The following ABLIM2 variants were observed in gnomAD, a reference collection of about 807,000 sequenced individuals.
ABLIM2 encodes the protein actin binding LIM protein family member 2, also known as actin-binding LIM protein 2.
Under a neutral mutation model 97.7 loss-of-function variants are expected in ABLIM2, and 53 were observed. The ratio of observed to expected loss-of-function variants is 0.54; its 90% CI spans 0.44 to 0.68. The LOEUF (loss-of-function observed/expected upper bound fraction) is 0.68. Ranked by LOEUF, ABLIM2 falls within the 30% of genes least tolerant of loss-of-function variation. The pLI is 0.00. For synonymous variants in ABLIM2, 361 were observed against 345.8 expected (o/e 1.04, Z -0.49); for missense variants, 835 against 867.2 (o/e 0.96, Z 0.47).
At chr4:8,093,771 C>T (rs1049315166) in intron 3 of ABLIM2, among the ~76,000 whole-genome samples, 7 of 152,170 alleles carry the variant, frequency 4.6e-5, no homozygotes, top group African/African-American at 1.7e-4. Flanking sequence ...CGTCTGGCTG[C>T]TTTTAAGATT....
At chr4:8,078,416 T>C (rs1379953179) in intron 5 of ABLIM2, among the ~76,000 whole-genome samples, 1 of 152,256 alleles carries the variant, frequency 6.6e-6, no homozygotes, top group East Asian at 1.9e-4. Flanking sequence ...CCCATCATCC[T>C]GGGCCTGCCC....
chr4:7,980,941 A>ATTTTTTTTTTTTTTTTTTGTT (rs1737722453), intron 20 of ABLIM2, among the ~76,000 whole-genome samples: 1 of 82,988 alleles, frequency 1.2e-5, no homozygotes, highest in Non-Finnish European at 2.1e-5. Flanking sequence ...ACAACCCCTT[A>ATTTTTTTTTTTTTTTTTTGTT]TTTTTTTTTT....
chr4:8,078,447 G>A (rs986644866), intron 5 of ABLIM2, among the ~76,000 whole-genome samples: 1 of 152,238 alleles, frequency 6.6e-6, no homozygotes, highest in African/African-American at 2.4e-5. Context: ...GGCTTCCTCC[G>A]AGTCTCCATA....
rs747655824 is a variant in ABLIM2, at chr4:8,005,382, G to A, written c.1618+2677C>T. 1.9e-6 allele frequency: 1 copy of A among 533,764 alleles called. No individual in the cohort carries two copies. Among genetic ancestry groups the A allele is most frequent in the Non-Finnish European group, 3.8e-6 (1 of 259,968 alleles). The allele number at this position is 533,764 out of a possible 1,614,324, so 33.1% of individuals were successfully genotyped here. A position where few individuals can be genotyped will look rare whatever the true frequency, so the allele number is the denominator to read the frequency against. ...ACATTTATTGAGTGCCCACTGTGTT[G>A]GGTGTCACAATCCTACCTTCCTTGG... On this transcript the variant is annotated intron_variant, in intron 16 of 20. Coordinates refer to ENST00000447017, the MANE Select transcript of ABLIM2 (RefSeq NM_001130083.2). The surrounding 1 kb of genome is among the most constrained non-coding windows in gnomAD (Gnocchi z 4.9).
At chr4:8,024,861 G>A (rs1432901651) in intron 12 of ABLIM2, among the ~76,000 whole-genome samples, 1 of 152,242 alleles carries the variant, frequency 6.6e-6, no homozygotes, top group Non-Finnish European at 1.5e-5. Flanking sequence ...AGTAGGGGCA[G>A]AGCATGGGTG....
rs553862537 is a variant in ABLIM2 at position 8,083,980 on chromosome 4, G to T, written c.455-3178C>A. Among the ~76,000 whole-genome samples, 116 of 152,198 alleles carry T rather than the reference G, an allele frequency of 7.6e-4. No homozygotes were observed. Among genetic ancestry groups the T allele is most frequent in the Non-Finnish European group, 1.5e-3 (102 of 67,998 alleles). ...TGGAGCCTCAGCTGGAGCTCAGGGG[G>T]TGCAGGTGCAGGAGCCAGACCCCCT... On this transcript the variant is annotated intron_variant, in intron 4 of 20. Transcript: ENST00000447017. The surrounding 1 kb of genome is among the most constrained non-coding windows in gnomAD (Gnocchi z 4.6).
At position 8,091,942 on chromosome 4, in the gene ABLIM2, T is replaced by G. The variant is rs998797954; in HGVS notation, c.339-3658A>C. On this transcript the variant is annotated intron_variant, in intron 3 of 20. Coordinates refer to ENST00000447017, the MANE Select transcript of ABLIM2 (RefSeq NM_001130083.2). ...AATATATAATGTATATTATAATATA[T>G]AATACATATTATAATATAGAATACA... Among the ~76,000 whole-genome samples, 7 of 129,750 alleles carry G rather than the reference T, an allele frequency of 5.4e-5. No homozygotes were observed. The East Asian group carries it at 1.0e-3, about 19-fold the overall frequency. 85.1% of individuals were successfully genotyped at this position (129,750 alleles called of 152,430 possible).
intron 20 of ABLIM2, among the ~76,000 whole-genome samples, chr4:7,973,184 G>A (rs1232256577): frequency 6.6e-6 from 1 of 151,804 alleles, no homozygotes; most frequent in Non-Finnish European, 1.5e-5. Flanking sequence ...CCTGGGGCAG[G>A]AGGAGCCTTG....
chr4:8,038,264 G>C (rs773127002), intron 9 of ABLIM2, among the ~76,000 whole-genome samples: 7 of 152,226 alleles, frequency 4.6e-5, no homozygotes, highest in Admixed American at 6.5e-5. Flanking sequence ...ACAGAGCCAG[G>C]AGGGTGCAGG....
In ABLIM2 at chr4:8,158,792, C is replaced by G; in HGVS notation, c.-103G>C. 9.2e-7 allele frequency: 1 copy of G among 1,089,172 alleles called. No individual in the cohort carries two copies. Among genetic ancestry groups the G allele is most frequent in the Non-Finnish European group, 1.2e-6 (1 of 864,878 alleles). The allele number at this position is 1,089,172 out of a possible 1,614,324, so 67.5% of individuals were successfully genotyped here. On this transcript the variant is annotated 5_prime_UTR_variant, in exon 1 of 21. Coordinates refer to ENST00000447017, the MANE Select transcript of ABLIM2 (RefSeq NM_001130083.2). ...CTATCCTCCGCCCGCCCGCCGGCTCCGCGCCCGCTCCTTGCGCACACGCCA... is the reference window on the plus strand; with the variant it reads ...CTATCCTCCGCCCGCCCGCCGGCTCGGCGCCCGCTCCTTGCGCACACGCCA...
At position 8,155,029 on chromosome 4, in the gene ABLIM2, C is replaced by A. The variant is rs1714853888; in HGVS notation, c.10+3651G>T. Among the ~76,000 whole-genome samples, 1 of 152,196 alleles carries A rather than the reference C, an allele frequency of 6.6e-6. No homozygotes were observed. The highest frequency in any genetic ancestry group is 1.9e-4 in the East Asian group (1 of 5,200). On this transcript the variant is annotated intron_variant, in intron 1 of 20. Coordinates refer to ENST00000447017, the MANE Select transcript of ABLIM2 (RefSeq NM_001130083.2). This position sits in a 1 kb window ranked among gnomAD's most constrained non-coding sequence, Gnocchi z 4.2. ...CATGAGAACAGTATGGGGGAAACCA[C>A]CCCTGTGATTCAATTATCTCCACCT...
intron 1 of ABLIM2, among the ~76,000 whole-genome samples, chr4:8,126,779 C>T (rs1848156839): frequency 6.6e-6 from 1 of 151,988 alleles, no homozygotes; most frequent in Non-Finnish European, 1.5e-5. Flanking sequence ...AAAAATGTCT[C>T]CAGATGGCCG....
intron 6 of ABLIM2, among the ~76,000 whole-genome samples, chr4:8,070,041 G>A (rs1165239901): frequency 1.3e-5 from 2 of 151,774 alleles, no homozygotes; most frequent in African/African-American, 4.8e-5. Flanking sequence ...TGTGCTTTGT[G>A]TGTGTATGTA....
At chr4:8,007,005 T>A (rs2150372942) in intron 16 of ABLIM2, 3 of 984,940 alleles carry the variant, frequency 3.0e-6, no homozygotes, top group Non-Finnish European at 3.6e-6. Context: ...CTTACAGAGA[T>A]CATACACAAG....
chr4:8,057,333 A>G (rs1254453802), intron 7 of ABLIM2, among the ~76,000 whole-genome samples: 1 of 151,402 alleles, frequency 6.6e-6, no homozygotes, highest in Non-Finnish European at 1.5e-5. Context: ...TGATCCATCC[A>G]CCTCTGCCTC....
chr4:7,985,889 G>A (rs1158940402), intron 17 of ABLIM2, among the ~76,000 whole-genome samples: 1 of 152,218 alleles, frequency 6.6e-6, no homozygotes, highest in South Asian at 2.1e-4. Context: ...TCTATGGAGG[G>A]TTCCCCAACC....
intron 1 of ABLIM2, among the ~76,000 whole-genome samples, chr4:8,152,516 G>A (rs1278916794): frequency 6.6e-6 from 1 of 152,222 alleles, no homozygotes; most frequent in African/African-American, 2.4e-5. Flanking sequence ...GTCCCACCTG[G>A]GTGCTGCCCG....
chr4:7,992,758 G>T lies in ABLIM2; in HGVS notation c.1680+108C>A. On this transcript the variant is annotated intron_variant, in intron 17 of 20. Transcript: ENST00000447017. The surrounding 1 kb of genome is among the most constrained non-coding windows in gnomAD (Gnocchi z 5.7). Reference sequence around the variant, plus strand: ...TCAGGCAGAGGCAGGTGGGCCGCGGGGTCCCCGGGGCCTCTCCTCCTGCTG... The same window carrying T: ...TCAGGCAGAGGCAGGTGGGCCGCGGTGTCCCCGGGGCCTCTCCTCCTGCTG... The T allele has an allele frequency of 7.9e-7, 1 of 1,268,258 alleles. No homozygotes were observed. The highest frequency in any genetic ancestry group is 1.1e-6 in the Non-Finnish European group (1 of 893,872). The allele number at this position is 1,268,258 out of a possible 1,614,324, so 78.6% of individuals were successfully genotyped here. A position where few individuals can be genotyped will look rare whatever the true frequency, so the allele number is the denominator to read the frequency against.
chr4:7,978,152 C>T (rs1022268228), intron 20 of ABLIM2, among the ~76,000 whole-genome samples: 1 of 152,182 alleles, frequency 6.6e-6, no homozygotes, highest in Non-Finnish European at 1.5e-5. Flanking sequence ...CCCTTTCTCT[C>T]CTGCTGGGAG....
Sources: gnomAD v4.1 joint callset for allele counts (sites outside exome capture counted in the v4.1 genomes callset) on GRCh38, gnomAD v4.1.1 for gene constraint, Gnocchi (gnomAD v3.1) non-coding constraint, MANE v1.5 for transcripts, NCBI Gene and HGNC (gene_info 2026-07-23, HGNC 2026-07-21) for gene names.